Variants in SYT9 observed in about 807,000 individuals in gnomAD.
The protein encoded by SYT9 is synaptotagmin 9, also known as synaptotagmin-9.
In SYT9, 22 loss-of-function variants were observed where a neutral mutation model predicts 48.4. That is an observed-to-expected ratio of 0.45 (90% CI 0.32 to 0.65). SYT9 has a LOEUF of 0.65. Ranked by LOEUF, SYT9 falls within the 30% of genes least tolerant of loss-of-function variation. SYT9 has a pLI of 0.03. For missense variants in SYT9, 577 were observed against 622.0 expected (o/e 0.93, Z 0.77); for synonymous variants, 265 against 245.0 (o/e 1.08, Z -0.76).
intron 3 of SYT9, among the ~76,000 whole-genome samples, chr11:7,355,651 C>G (rs1850007451): frequency 6.6e-6 from 1 of 152,174 alleles, no homozygotes; most frequent in Non-Finnish European, 1.5e-5. Flanking sequence ...TGAGACATCA[C>G]TTATATGCTA....
intron 6 of SYT9, among the ~76,000 whole-genome samples, chr11:7,436,868 C>T (rs4313570): frequency 0.63 from 95,101 of 151,952 alleles, 30,384 homozygotes; most frequent in African/African-American, 0.75. Flanking sequence ...TCAGCCACTT[C>T]GAGCTGCTGA....
At chr11:7,248,133 T>C (rs1371620026), upstream of SYT9, among the ~76,000 whole-genome samples, 1 of 152,154 alleles carries the variant, frequency 6.6e-6, no homozygotes, top group Non-Finnish European at 1.5e-5. Flanking sequence ...CTTTTGAGAA[T>C]TGTCTATCCA....
chr11:7,420,561 C>T lies in SYT9; in HGVS notation c.1393C>T (p.Leu465=), dbSNP rs761215396. The T allele has an allele frequency of 8.1e-6, 13 of 1,614,032 alleles. No individual in the cohort carries two copies. The East Asian group carries it at 1.3e-4, about 17-fold the overall frequency. ...TCAAGTAGGCAACGAGGCTGAGAGG[C>T]TGGGCAGAGACCACTGGAGTGAAAT... ...VCQVGNEAER[L]GRDHWSEMLS... Residue 465 remains leucine, a synonymous_variant, in exon 6 of 7, where the codon CTG becomes TTG. Coordinates refer to ENST00000318881, the MANE Select transcript of SYT9 (RefSeq NM_175733.4).
chr11:7,316,420 T>C (rs895700845), intron 3 of SYT9, among the ~76,000 whole-genome samples: 2 of 152,186 alleles, frequency 1.3e-5, no homozygotes, highest in African/African-American at 2.4e-5. Flanking sequence ...TAGCTTTTTT[T>C]CTTTGGTCAA....
intron 6 of SYT9, chr11:7,438,085 C>T (rs1003398207): frequency 1.3e-5 from 2 of 152,106 alleles, no homozygotes; most frequent in Admixed American, 6.5e-5. Flanking sequence ...GGAAATTGTT[C>T]CAGTGTAATA....
intron 3 of SYT9, among the ~76,000 whole-genome samples, chr11:7,343,335 C>T (rs1849745926): frequency 6.6e-6 from 1 of 152,152 alleles, no homozygotes; most frequent in African/African-American, 2.4e-5. Flanking sequence ...TTTAGCAGCA[C>T]CCGAGTCACC....
chr11:7,349,294 G>A (rs1849863334), intron 3 of SYT9, among the ~76,000 whole-genome samples: 2 of 151,846 alleles, frequency 1.3e-5, no homozygotes, highest in South Asian at 4.2e-4. Context: ...CACTGTGAAT[G>A]TACTTAATAG....
chr11:7,340,828 G>A (rs969513758), intron 3 of SYT9, among the ~76,000 whole-genome samples: 1 of 152,228 alleles, frequency 6.6e-6, no homozygotes, highest in Non-Finnish European at 1.5e-5. Context: ...GAATAGTGGA[G>A]TCTTAGGCCA....
chr11:7,313,603 C>A lies in SYT9; in HGVS notation c.706C>A (p.Gln236Lys), dbSNP rs1489615809. The change falls in exon 3 of 7, where the codon CAG becomes AAG. Residue 236 changes from glutamine to lysine, a missense_variant. Transcript: ENST00000318881. The stretch of plus-strand genomic sequence containing the variant: ...TTTAAAATATGACTGTGACTTAGAG[C>A]AGCTCATAGTGAAGATTCACAAAGC... ...FILKYDCDLEQLIVKIHKAVN... is the reference protein window; with the variant it reads ...FILKYDCDLEKLIVKIHKAVN... The A allele has an allele frequency of 1.9e-6, 3 of 1,614,000 alleles. No individual in the cohort carries two copies. In the African/African-American group the frequency reaches 4.0e-5, roughly 22 times the overall value.
At chr11:7,407,365 T>TC (rs1847038572) in intron 3 of SYT9, among the ~76,000 whole-genome samples, 1 of 27,478 alleles carries the variant, frequency 3.6e-5, no homozygotes, top group East Asian at 1.2e-3. Context: ...CTATAATTTT[T>TC]TTTTTTTTTT....
At chr11:7,368,347 T>TTTG (rs1400282885) in intron 3 of SYT9, among the ~76,000 whole-genome samples, 1 of 151,758 alleles carries the variant, frequency 6.6e-6, no homozygotes. Context: ...ATAATGGGGT[T>TTTG]TTGTTGTTGT....
At chr11:7,261,110 A>C (rs989818054) in intron 1 of SYT9, among the ~76,000 whole-genome samples, 4 of 152,222 alleles carry the variant, frequency 2.6e-5, no homozygotes, top group African/African-American at 9.6e-5. Context: ...AATTTTAAAA[A>C]ATAATTGAAT....
intron 1 of SYT9, among the ~76,000 whole-genome samples, chr11:7,299,762 C>T (rs898865697): frequency 2.0e-5 from 3 of 152,280 alleles, no homozygotes; most frequent in East Asian, 1.9e-4. Flanking sequence ...GGATCCCCCA[C>T]GACTGGACTT....
At chr11:7,398,726 A>G (rs1322516856) in intron 3 of SYT9, among the ~76,000 whole-genome samples, 3 of 152,196 alleles carry the variant, frequency 2.0e-5, no homozygotes, top group African/African-American at 4.8e-5. Flanking sequence ...AAAACTATGA[A>G]ATCTGCAAGG....
chr11:7,376,109 A>G (rs1195301527), intron 3 of SYT9, among the ~76,000 whole-genome samples: 2 of 152,092 alleles, frequency 1.3e-5, no homozygotes, highest in Admixed American at 6.6e-5. Flanking sequence ...GGCAACTTGC[A>G]TGACAACTCT....
intron 3 of SYT9, among the ~76,000 whole-genome samples, chr11:7,337,293 C>G (rs967871228): frequency 2.6e-5 from 4 of 151,972 alleles, no homozygotes; most frequent in Non-Finnish European, 5.9e-5. Flanking sequence ...TGTCTGCAAC[C>G]CGAGATAGTC....
chr11:7,385,647 TA>T (rs955329011), intron 3 of SYT9, among the ~76,000 whole-genome samples: 1 of 151,928 alleles, frequency 6.6e-6, no homozygotes, highest in African/African-American at 2.4e-5. Context: ...CCCTGAACCT[TA>T]AAAAAAGTTT....
chr11:7,468,573 G>A lies in SYT9; in HGVS notation c.*1773G>A. 1 of 366,540 alleles carries A rather than the reference G, an allele frequency of 2.7e-6. No homozygotes were observed. Among genetic ancestry groups the A allele is most frequent in the Non-Finnish European group, 4.8e-6 (1 of 206,450 alleles). The allele number at this position is 366,540 out of a possible 1,614,324, so 22.7% of individuals were successfully genotyped here. On this transcript the variant is annotated 3_prime_UTR_variant, in exon 7 of 7. Coordinates refer to ENST00000318881, the MANE Select transcript of SYT9 (RefSeq NM_175733.4). Reference sequence around the variant, plus strand: ...AAAACATGAAGGGCTAGCGCCACCAGGATAGTTAGCAGAAATATTGTCTGT... The same window carrying A: ...AAAACATGAAGGGCTAGCGCCACCAAGATAGTTAGCAGAAATATTGTCTGT...
intron 3 of SYT9, among the ~76,000 whole-genome samples, chr11:7,379,465 C>T (rs1850518197): frequency 6.6e-6 from 1 of 152,110 alleles, no homozygotes; most frequent in South Asian, 2.1e-4. Context: ...ATCTTCCCCT[C>T]AGATACAATG....
Sources: gnomAD v4.1 joint callset for allele counts (sites outside exome capture counted in the v4.1 genomes callset) on GRCh38, gnomAD v4.1.1 for gene constraint, MANE v1.5 for transcripts, NCBI Gene and HGNC (gene_info 2026-07-23, HGNC 2026-07-21) for gene names.